The following ROS1 variants were observed in gnomAD, a reference collection of about 807,000 sequenced individuals.
ROS1 encodes the protein ROS proto-oncogene 1, receptor tyrosine kinase, also known as proto-oncogene tyrosine-protein kinase ROS.
A neutral mutation model predicts 273.5 loss-of-function variants in ROS1; 263 were observed. That is an observed-to-expected ratio of 0.96 (90% confidence interval 0.87 to 1.06). The LOEUF is 1.06. Ranked by LOEUF, ROS1 falls within the 50% of genes least tolerant of loss-of-function variation. The pLI is 0.00. For missense variants in ROS1, 2,833 were observed against 2,751.1 expected, an observed-to-expected ratio of 1.03 and a Z score of -0.67; for synonymous variants, 1,008 against 954.1, an observed-to-expected ratio of 1.06 and a Z score of -1.04.
At chr6:117,338,453 A>G (rs1777639540) in intron 31 of ROS1, among the ~76,000 whole-genome samples, 1 of 151,940 alleles carries the variant, frequency 6.6e-6, no homozygotes, top group South Asian at 2.1e-4. Context: ...CTGCTGAGAC[A>G]TTTAGCTTAA....
intron 24 of ROS1, among the ~76,000 whole-genome samples, chr6:117,358,702 C>T (rs201851094): frequency 6.6e-6 from 1 of 152,094 alleles, no homozygotes; most frequent in African/African-American, 2.4e-5. Flanking sequence ...TCCAGTGATC[C>T]ACCTGCCTTG....
At chr6:117,353,501 A>C (rs913012620) in intron 26 of ROS1, among the ~76,000 whole-genome samples, 2 of 152,252 alleles carry the variant, frequency 1.3e-5, no homozygotes, top group African/African-American at 4.8e-5. Flanking sequence ...TCAAAATCAA[A>C]TAATGCCAAC....
At chr6:117,394,774 C>A (rs2128713751) in intron 9 of ROS1, 36 bp from the exon 10 acceptor site, 1 of 1,561,834 alleles carries the variant, frequency 6.4e-7, no homozygotes, top group South Asian at 1.2e-5. Context: ...ACAGGTAGAC[C>A]AACCACAGGT....
At chr6:117,346,052 C>G (rs965861437) in intron 27 of ROS1, among the ~76,000 whole-genome samples, 3 of 152,144 alleles carry the variant, frequency 2.0e-5, no homozygotes, top group South Asian at 2.1e-4. Context: ...CTCTTCAGTT[C>G]AACCAATATT....
At chr6:117,425,103 A>G (rs537659831) in intron 1 of ROS1, among the ~76,000 whole-genome samples, 4 of 152,344 alleles carry the variant, frequency 2.6e-5, no homozygotes, top group Admixed American at 6.5e-5. Flanking sequence ...ATTATTTTAC[A>G]TGGCAACTGT....
At chr6:117,425,025 T>C (rs570237196) in intron 1 of ROS1, among the ~76,000 whole-genome samples, 5 of 152,228 alleles carry the variant, frequency 3.3e-5, no homozygotes, top group African/African-American at 1.2e-4. Context: ...TATAAAAAAC[T>C]CACTAACTAA....
intron 28 of ROS1, among the ~76,000 whole-genome samples, chr6:117,343,846 A>G (rs190632112): frequency 6.2e-4 from 95 of 152,330 alleles, no homozygotes; most frequent in Non-Finnish European, 1.0e-3. Context: ...ATGGCAATCC[A>G]TCAATGGGCA....
At chr6:117,363,210 T>C (rs770381953) in intron 21 of ROS1, among the ~76,000 whole-genome samples, 2 of 152,194 alleles carry the variant, frequency 1.3e-5, no homozygotes, top group Non-Finnish European at 2.9e-5. Context: ...ACTTTTATCC[T>C]GACAGAGTGA....
At chr6:117,365,512 T>C in intron 20 of ROS1, 69 bp downstream of exon 20, 1 of 1,323,390 alleles carries the variant, frequency 7.6e-7, no homozygotes, top group African/African-American at 1.5e-5. Flanking sequence ...TACAGGTCAG[T>C]GTGGGCAAGG....
At chr6:117,348,213 A>C (rs1008759457) in intron 27 of ROS1, among the ~76,000 whole-genome samples, 1 of 151,988 alleles carries the variant, frequency 6.6e-6, no homozygotes, top group African/African-American at 2.4e-5. Context: ...CATCTGGCCC[A>C]GGTGCTTTCT....
intron 4 of ROS1, among the ~76,000 whole-genome samples, chr6:117,413,700 G>A (rs1417974710): frequency 6.6e-6 from 1 of 152,092 alleles, no homozygotes; most frequent in Non-Finnish European, 1.5e-5. Context: ...AGAAAATTAC[G>A]GCCAGGCTTG....
In ROS1 at chr6:117,362,245, TG is replaced by T. The variant is rs146000819; in HGVS notation, c.3366+357del. On this transcript the variant is annotated intron_variant, in intron 22 of 43. Coordinates refer to ENST00000368507, the MANE Select transcript of ROS1 (RefSeq NM_001378902.1). Reference sequence around the variant, plus strand: ...ACTTTTGCTGCCCACTTGACCTCTTTGATCACAGTATACCTAAATTATTGAC... The same window carrying T: ...ACTTTTGCTGCCCACTTGACCTCTTTATCACAGTATACCTAAATTATTGAC... 2.2e-3 allele frequency among the ~76,000 whole-genome samples: 332 copies of T among 152,244 alleles called. 12 individuals carry two copies. In the East Asian group the frequency reaches 0.059, roughly 27 times the overall value.
Position 117,365,123 on chromosome 6 carries a change from TG to T in ROS1, c.3039del (p.Thr1014LeufsTer61). On this transcript the variant is annotated frameshift_variant, in exon 21 of 44. Transcript: ENST00000368507. LOFTEE classifies it high-confidence loss of function. The stretch of plus-strand genomic sequence containing the variant: ...CCCTTTCCCCAGTAGGTATAAGGAG[TG>T]ACAGAAAGATTAAATAAGGCATAAG... ...LEPYALFNLS[V>X]TPYTYWGKGP... is the part of the protein sequence containing the mutation. 1 of 1,613,450 alleles carries T rather than the reference TG, an allele frequency of 6.2e-7. No individual in the cohort carries two copies. Among genetic ancestry groups the T allele is most frequent in the Non-Finnish European group, 8.5e-7 (1 of 1,179,608 alleles).
chr6:117,407,027 C>A (rs1257115798), intron 5 of ROS1, among the ~76,000 whole-genome samples: 2 of 127,232 alleles, frequency 1.6e-5, no homozygotes, highest in African/African-American at 6.2e-5. Context: ...CTTGGACCCC[C>A]ATAAAATATA....
chr6:117,396,807 G>T, intron 8 of ROS1, 108 bp downstream of exon 8: 1 of 805,264 alleles, frequency 1.2e-6, no homozygotes, highest in Non-Finnish European at 2.0e-6. Context: ...TGGAGTCAGT[G>T]GCGCTTCTCA....
rs564942341 is a variant in ROS1, at chr6:117,397,086, A to G, written c.635T>C (p.Ile212Thr). 4 of 1,613,552 alleles carry G rather than the reference A, an allele frequency of 2.5e-6. No homozygotes were observed. In the African/African-American group the frequency reaches 4.0e-5, roughly 16 times the overall value. ...VPETAPLIRNIESSSPDTVEV... is the reference protein window; with the variant it reads ...VPETAPLIRNTESSSPDTVEV... ...CACAGTGTCGGGACTTGAGCTCTCA[A>G]TATTCCTAATCAAAGGTGCAGTTTC... is the stretch of plus-strand genomic sequence containing the variant. The change falls in exon 8 of 44, where the codon ATT becomes ACT. Residue 212 changes from isoleucine to threonine, a missense_variant. Ile to Thr is a moderately conservative substitution (Grantham distance 89, BLOSUM62 -1). Transcript: ENST00000368507.
At chr6:117,316,965 C>T (rs565340628) in intron 39 of ROS1, among the ~76,000 whole-genome samples, 178 bp downstream of exon 39, 106 of 152,160 alleles carry the variant, frequency 7.0e-4, no homozygotes, top group Non-Finnish European at 1.2e-3. Flanking sequence ...CAGAAAGTGC[C>T]AGAATGTTAG....
chr6:117,420,199 G>A (rs1017471099), intron 1 of ROS1, among the ~76,000 whole-genome samples: 5 of 151,702 alleles, frequency 3.3e-5, no homozygotes, highest in South Asian at 2.1e-4. Flanking sequence ...GCTCTTAACC[G>A]GATGCCTTCC....
chr6:117,310,380 A>ATTT (rs372650546), intron 40 of ROS1, 99 bp from the exon 41 acceptor site: 35,182 of 676,726 alleles, frequency 0.052, 519 homozygotes, highest in Middle Eastern at 0.091. Flanking sequence ...AAGAGAAACT[A>ATTT]TTTTTTTTTT....
Sources: gnomAD v4.1 joint callset for allele counts (sites outside exome capture counted in the v4.1 genomes callset) on GRCh38, gnomAD v4.1.1 for gene constraint, MANE v1.5 for transcripts, NCBI Gene and HGNC (gene_info 2026-07-23, HGNC 2026-07-21) for gene names.